CCSER1: variants seen among roughly 807,000 people sequenced by gnomAD.
CCSER1 encodes serine-rich coiled-coil domain-containing protein 1.
Under a neutral mutation model 82.0 loss-of-function variants are expected in CCSER1, and 41 were observed. That is an observed-to-expected ratio of 0.50 (90% confidence interval 0.39 to 0.65). CCSER1 has a LOEUF of 0.65. CCSER1 is among the 30% of genes least tolerant of loss of function. The pLI is 0.00. For synonymous variants in CCSER1, 414 were observed against 383.9 expected, an observed-to-expected ratio of 1.08 and a Z score of -0.92; for missense variants, 1,119 against 1,064.2, an observed-to-expected ratio of 1.05 and a Z score of -0.72.
At chr4:90,137,823 T>C (rs1723969114) in intron 1 of CCSER1, among the ~76,000 whole-genome samples, 1 of 152,222 alleles carries the variant, frequency 6.6e-6, no homozygotes. Flanking sequence ...GAGTCTGCTG[T>C]TGCAGATGCT....
At chr4:91,063,095 A>G (rs1002067140) in intron 9 of CCSER1, among the ~76,000 whole-genome samples, 1 of 152,148 alleles carries the variant, frequency 6.6e-6, no homozygotes, top group Non-Finnish European at 1.5e-5. Context: ...ATGAAAAGTT[A>G]CATTCAAGTA....
chr4:90,473,492 A>G (rs1764662241), intron 5 of CCSER1, among the ~76,000 whole-genome samples: 1 of 152,186 alleles, frequency 6.6e-6, no homozygotes, highest in African/African-American at 2.4e-5. Flanking sequence ...CCTCTTTGTA[A>G]TGCTTCAGTT....
At chr4:90,228,191 C>T (rs1375420068) in intron 1 of CCSER1, among the ~76,000 whole-genome samples, 2 of 152,178 alleles carry the variant, frequency 1.3e-5, no homozygotes, top group African/African-American at 4.8e-5. Context: ...AACAAAAAGA[C>T]CGCAGTAACC....
chr4:90,498,837 A>C (rs944670267), intron 5 of CCSER1, among the ~76,000 whole-genome samples: 3 of 152,136 alleles, frequency 2.0e-5, no homozygotes, highest in African/African-American at 7.2e-5. Flanking sequence ...ATTGTTTTAG[A>C]GGTTACAGGT....
intron 8 of CCSER1, among the ~76,000 whole-genome samples, chr4:90,861,905 CAT>C (rs1433929339): frequency 2.1e-4 from 29 of 139,384 alleles, no homozygotes; most frequent in East Asian, 6.4e-4. Flanking sequence ...TATGATGACT[CAT>C]ATATATATAT....
chr4:90,892,683 A>G (rs1488276326), intron 8 of CCSER1, among the ~76,000 whole-genome samples: 1 of 151,960 alleles, frequency 6.6e-6, no homozygotes, highest in South Asian at 2.1e-4. Context: ...TTTAACAGTT[A>G]TGTAGGCCGA....
chr4:90,238,683 C>T (rs1033605289), intron 1 of CCSER1, among the ~76,000 whole-genome samples: 69 of 152,218 alleles, frequency 4.5e-4, no homozygotes, highest in African/African-American at 1.6e-3. Context: ...CACACACATA[C>T]ATCTGAAAGA....
chr4:90,967,452 G>T (rs79570869), intron 9 of CCSER1, among the ~76,000 whole-genome samples: 2 of 144,926 alleles, frequency 1.4e-5, no homozygotes, highest in Non-Finnish European at 3.0e-5. Flanking sequence ...TTGTCTCAAA[G>T]AAAAAAAAAA....
intron 10 of CCSER1, among the ~76,000 whole-genome samples, chr4:91,138,984 T>C (rs1047670192): frequency 6.6e-6 from 1 of 152,134 alleles, no homozygotes; most frequent in Non-Finnish European, 1.5e-5. Context: ...GTCACCCAGG[T>C]GGTGAGCATA....
intron 1 of CCSER1, among the ~76,000 whole-genome samples, chr4:90,269,701 A>G (rs1201968048): frequency 6.7e-6 from 1 of 148,318 alleles, no homozygotes; most frequent in Non-Finnish European, 1.5e-5. Flanking sequence ...AATAAATGAA[A>G]TTGAAGAAAA....
chr4:91,441,264 T>C (rs1347634181), intron 10 of CCSER1, among the ~76,000 whole-genome samples: 2 of 151,962 alleles, frequency 1.3e-5, no homozygotes, highest in East Asian at 3.9e-4. Context: ...TCAAAAAGCT[T>C]ATCCACCATG....
At chr4:90,301,518 A>G (rs1037886847) in intron 1 of CCSER1, among the ~76,000 whole-genome samples, 7 of 152,310 alleles carry the variant, frequency 4.6e-5, no homozygotes, top group African/African-American at 1.7e-4. Flanking sequence ...GTGTAGTAGT[A>G]TTGTCTTCAA....
intron 4 of CCSER1, among the ~76,000 whole-genome samples, chr4:90,461,919 A>G (rs2153584211): frequency 6.6e-6 from 1 of 152,344 alleles, no homozygotes; most frequent in Non-Finnish European, 1.5e-5. Flanking sequence ...TCACAAGTTC[A>G]GCACCTACTA....
rs76331329 is a variant in CCSER1, at chr4:90,732,027, TTCTC to T, written c.2010+8067_2010+8070del. ...CTGAAAACACTGTACCTATTGGGAT[TTCTC>T]TCTCTCTCTCTCTCTCTCTCTCTCT... On this transcript the variant is annotated intron_variant, in intron 7 of 10. Transcript: ENST00000509176. 9.8e-3 allele frequency among the ~76,000 whole-genome samples: 1,284 copies of T among 131,092 alleles called. 11 individuals are homozygous for T. The highest frequency in any genetic ancestry group is 0.013 in the Middle Eastern group (3 of 230). The allele number at this position is 131,092 out of a possible 152,430, so 86.0% of individuals were successfully genotyped here.
At chr4:91,241,561 C>G (rs2149130326) in intron 10 of CCSER1, among the ~76,000 whole-genome samples, 1 of 137,024 alleles carries the variant, frequency 7.3e-6, no homozygotes, top group South Asian at 2.4e-4. Flanking sequence ...CTCCTGACCT[C>G]TTGATCCACC....
chr4:90,519,848 GACTA>G (rs1270076683), intron 5 of CCSER1, among the ~76,000 whole-genome samples: 1 of 151,938 alleles, frequency 6.6e-6, no homozygotes, highest in Non-Finnish European at 1.5e-5. Flanking sequence ...TTCTACCAAT[GACTA>G]ACAGATTCAG....
intron 7 of CCSER1, among the ~76,000 whole-genome samples, chr4:90,777,375 AAG>A: frequency 6.6e-6 from 1 of 151,070 alleles, no homozygotes; most frequent in African/African-American, 2.4e-5. Flanking sequence ...AAAAAAAAAA[AAG>A]CCTGTAAGCG....
In CCSER1 at chr4:90,191,148, G is replaced by A. The variant is rs191620593; in HGVS notation, c.-42+63317G>A. On this transcript the variant is annotated intron_variant, in intron 1 of 10. Coordinates refer to ENST00000509176, the MANE Select transcript of CCSER1 (RefSeq NM_001145065.2). ...AGGTTCTTGTAGGGTTTATAAAAAA[G>A]TGGAAGAAAGGGCTGGGCAAACCTT... 2.6e-5 allele frequency among the ~76,000 whole-genome samples: 4 copies of A among 152,078 alleles called. No homozygotes were observed. The East Asian group carries it at 7.8e-4, about 30-fold the overall frequency.
At chr4:90,879,601 GA>G (rs1720957264) in intron 8 of CCSER1, among the ~76,000 whole-genome samples, 1 of 107,890 alleles carries the variant, frequency 9.3e-6, no homozygotes, top group Non-Finnish European at 1.9e-5. Flanking sequence ...GGAGGAGGAG[GA>G]AGAAGAGGAG....
Sources: allele counts gnomAD v4.1 joint callset (sites outside exome capture counted in the v4.1 genomes callset), GRCh38; gene constraint gnomAD v4.1.1; transcripts MANE v1.5; gene names NCBI Gene and HGNC (gene_info 2026-07-23, HGNC 2026-07-21).